ADCY8: variants seen among roughly 807,000 people sequenced by gnomAD.
ADCY8 encodes the protein adenylate cyclase 8, also known as adenylate cyclase type 8.
Under a neutral mutation model 119.7 loss-of-function variants are expected in ADCY8, and 51 were observed. The ratio of observed to expected loss-of-function variants is 0.43; its 90% CI spans 0.34 to 0.54. The LOEUF is 0.54. Ranked by LOEUF, ADCY8 falls within the 20% of genes least tolerant of loss-of-function variation. The pLI is 0.03. For synonymous variants in ADCY8, 665 were observed against 651.0 expected (o/e 1.02, Z -0.33); for missense variants, 1,383 against 1,598.8 (o/e 0.87, Z 2.30).
At chr8:130,937,291 T>TC in intron 4 of ADCY8, 91 bp from the exon 5 acceptor site, 2 of 1,358,156 alleles carry the variant, frequency 1.5e-6, no homozygotes, top group East Asian at 2.7e-5. Flanking sequence ...CAGGGTTAGG[T>TC]GGTCTGCAAC....
intron 2 of ADCY8, among the ~76,000 whole-genome samples, chr8:130,962,285 T>A (rs1821628017): frequency 6.6e-6 from 1 of 152,146 alleles, no homozygotes; most frequent in Non-Finnish European, 1.5e-5. Flanking sequence ...GAAAACACAC[T>A]CTGAAATAAA....
At chr8:130,992,623 C>T (rs1822632861) in intron 1 of ADCY8, among the ~76,000 whole-genome samples, 1 of 151,708 alleles carries the variant, frequency 6.6e-6, no homozygotes, top group South Asian at 2.1e-4. Context: ...CTATGTTGGC[C>T]AGGCTGGTCT....
At chr8:130,826,743 T>A (rs943792665) in intron 12 of ADCY8, among the ~76,000 whole-genome samples, 6 of 149,882 alleles carry the variant, frequency 4.0e-5, no homozygotes, top group Non-Finnish European at 7.4e-5. Flanking sequence ...GAAACAGCAG[T>A]GTCATGAATA....
At chr8:130,794,064 T>G (rs1035031689) in intron 15 of ADCY8, among the ~76,000 whole-genome samples, 2 of 151,614 alleles carry the variant, frequency 1.3e-5, no homozygotes, top group African/African-American at 4.9e-5. Context: ...CAAAGACATG[T>G]GAGGATGGAA....
At chr8:130,881,387 T>G (rs1310365642) in intron 8 of ADCY8, among the ~76,000 whole-genome samples, 7 of 152,204 alleles carry the variant, frequency 4.6e-5, no homozygotes, top group African/African-American at 1.4e-4. Flanking sequence ...TGGAGCTTTG[T>G]TCATTTCGGT....
chr8:130,836,356 T>G lies in ADCY8; in HGVS notation c.2596A>C (p.Ile866Leu), dbSNP rs1268168886. The G allele has an allele frequency of 6.2e-7, 1 of 1,613,854 alleles. No homozygotes were observed. The highest frequency in any genetic ancestry group is 1.1e-5 in the South Asian group (1 of 91,054). ...VLKLAVLLIM[I>L]AIYALLTETV... ...TCAGTGAGCAGGGCATAGATGGCAA[T>G]CATGATCAGCAGCACTGCCAGCTTC... Residue 866 changes from isoleucine to leucine, a missense_variant, in exon 12 of 18, where the codon ATT becomes CTT. Transcript: ENST00000286355.
intron 5 of ADCY8, among the ~76,000 whole-genome samples, chr8:130,922,261 G>A (rs1291028267): frequency 6.7e-6 from 1 of 150,012 alleles, no homozygotes; most frequent in East Asian, 2.0e-4. Flanking sequence ...TCACAGAGGG[G>A]GATTTGGCAG....
At chr8:130,844,899 C>T (rs963376857) in intron 11 of ADCY8, among the ~76,000 whole-genome samples, 13 of 152,236 alleles carry the variant, frequency 8.5e-5, no homozygotes, top group East Asian at 3.9e-4. Flanking sequence ...ATAACATACA[C>T]GGGTATATTA....
chr8:130,903,157 A>T (rs1362091665), intron 7 of ADCY8, among the ~76,000 whole-genome samples: 4 of 152,222 alleles, frequency 2.6e-5, no homozygotes, highest in Admixed American at 2.0e-4. Context: ...AATTTTGGTT[A>T]TTGGTGATCT....
At chr8:130,913,648 G>A (rs1420988436) in intron 5 of ADCY8, among the ~76,000 whole-genome samples, 1 of 148,096 alleles carries the variant, frequency 6.8e-6, no homozygotes, top group East Asian at 1.9e-4. Context: ...ATGATATCCT[G>A]CTATCACACC....
chr8:130,958,517 G>A (rs1821501342), intron 2 of ADCY8, among the ~76,000 whole-genome samples: 1 of 152,096 alleles, frequency 6.6e-6, no homozygotes, highest in African/African-American at 2.4e-5. Flanking sequence ...AGGTTTAATG[G>A]ATTCACAGTT....
chr8:130,834,085 G>A (rs13264801), intron 12 of ADCY8, among the ~76,000 whole-genome samples: 2,567 of 152,234 alleles, frequency 0.017, 31 homozygotes, highest in Non-Finnish European at 0.025. Flanking sequence ...GTGAAGTAAT[G>A]CATATGTTAA....
chr8:130,892,291 C>T (rs562407259), intron 7 of ADCY8: 2 of 152,208 alleles, frequency 1.3e-5, no homozygotes, highest in Admixed American at 1.3e-4. Flanking sequence ...GAAATCGTTG[C>T]TTCCCATCTT....
intron 11 of ADCY8, among the ~76,000 whole-genome samples, chr8:130,838,689 C>T (rs1475421800): frequency 7.1e-6 from 1 of 141,206 alleles, no homozygotes; most frequent in Non-Finnish European, 1.6e-5. Flanking sequence ...TATGTGGTCA[C>T]AACAGTTAAT....
chr8:130,798,883 C>G (rs1008448742), intron 15 of ADCY8, among the ~76,000 whole-genome samples: 2 of 152,066 alleles, frequency 1.3e-5, no homozygotes, highest in African/African-American at 4.8e-5. Flanking sequence ...AACACACACA[C>G]ACGCATGCAC....
rs867256584 is a variant in ADCY8 at position 130,951,818 on chromosome 8, A to C, written c.1241+50T>G. 4.4e-6 allele frequency: 7 copies of C among 1,605,286 alleles called. No individual in the cohort carries two copies. In the Middle Eastern group the frequency reaches 1.1e-3, roughly 246 times the overall value. On this transcript the variant is annotated intron_variant, in intron 3 of 17. Coordinates refer to ENST00000286355, the MANE Select transcript of ADCY8 (RefSeq NM_001115.3). Reference sequence around the variant, plus strand: ...CACGGAAGTGCAATGAGAGCACCCAAACACACATGGATCATGCAAGAGCCG... The same window carrying C: ...CACGGAAGTGCAATGAGAGCACCCACACACACATGGATCATGCAAGAGCCG...
chr8:130,801,121 G>A (rs1185887960), intron 14 of ADCY8, among the ~76,000 whole-genome samples: 1 of 152,218 alleles, frequency 6.6e-6, no homozygotes, highest in Non-Finnish European at 1.5e-5. Flanking sequence ...CATATGGAAT[G>A]TGATGACTGA....
intron 1 of ADCY8, among the ~76,000 whole-genome samples, chr8:131,001,502 G>A (rs1234273208): frequency 6.6e-6 from 1 of 151,308 alleles, no homozygotes; most frequent in Non-Finnish European, 1.5e-5. Context: ...CCTCATACAA[G>A]TGAGGTTAAT....
chr8:130,836,098 C>T (rs976761767), intron 12 of ADCY8, among the ~76,000 whole-genome samples, 179 bp downstream of exon 12: 6 of 152,142 alleles, frequency 3.9e-5, no homozygotes, highest in Admixed American at 2.0e-4. Context: ...ATAAATGATA[C>T]CACTGAAAAG....
Sources: gnomAD v4.1 joint callset for allele counts (sites outside exome capture counted in the v4.1 genomes callset) on GRCh38, gnomAD v4.1.1 for gene constraint, MANE v1.5 for transcripts, NCBI Gene and HGNC (gene_info 2026-07-23, HGNC 2026-07-21) for gene names.